The following ROBO2 variants were observed in gnomAD, a reference collection of about 807,000 sequenced individuals.
The protein encoded by ROBO2 is roundabout guidance receptor 2.
Under a neutral mutation model 160.8 loss-of-function variants are expected in ROBO2, and 53 were observed. That is an observed-to-expected ratio of 0.33 (90% confidence interval 0.26 to 0.41). The LOEUF (loss-of-function observed/expected upper bound fraction) is 0.41, where lower values mean the gene tolerates loss of function less well. Ranked by LOEUF, ROBO2 falls within the 10% of genes least tolerant of loss-of-function variation. The probability of loss-of-function intolerance (pLI) is 1.00; values close to 1 mark genes in which losing one functional copy is unlikely to be tolerated. For missense variants in ROBO2, 1,577 were observed against 1,722.4 expected, an observed-to-expected ratio of 0.92 and a Z score of 1.49; for synonymous variants, 664 against 611.7, an observed-to-expected ratio of 1.09 and a Z score of -1.26.
chr3:77,363,898 G>A (rs1260461150), intron 2 of ROBO2, among the ~76,000 whole-genome samples: 2 of 152,108 alleles, frequency 1.3e-5, no homozygotes, highest in East Asian at 1.9e-4. Flanking sequence ...GGGAGCAGAA[G>A]ACAGGGGGCT....
In ROBO2 at chr3:76,120,282, G is replaced by A. The variant is rs544828677; in HGVS notation, c.109+182680G>A. Among the ~76,000 whole-genome samples the A allele has an allele frequency of 7.9e-5, 12 of 152,162 alleles. No individual in the cohort carries two copies. The East Asian group carries it at 9.7e-4, about 12-fold the overall frequency. ...CTTCCAAAGTGCTGGGATTACAGGC[G>A]TGAGCCACCACGCCTGGAGGCTTTT... On this transcript the variant is annotated intron_variant, in intron 2 of 26. Transcript: ENST00000487694.
At chr3:77,467,592 T>TATCG (rs2082896423) in intron 2 of ROBO2, among the ~76,000 whole-genome samples, 1 of 77,200 alleles carries the variant, frequency 1.3e-5, no homozygotes, top group African/African-American at 7.7e-5. Context: ...TGTCTGTATC[T>TATCG]ATCTATCTAT....
intron 2 of ROBO2, among the ~76,000 whole-genome samples, chr3:77,473,677 C>T (rs1255453448): frequency 1.3e-5 from 2 of 151,808 alleles, no homozygotes; most frequent in South Asian, 2.1e-4. Flanking sequence ...AGAATGGTCT[C>T]GGTCTCCTGA....
At chr3:76,425,565 A>G (rs9864608) in intron 2 of ROBO2, among the ~76,000 whole-genome samples, 9,057 of 151,476 alleles carry the variant, frequency 0.06, 587 homozygotes, top group East Asian at 0.29. Flanking sequence ...ACCATGGTAT[A>G]CCCAATGCCT....
chr3:76,714,416 A>T (rs1324799668), intron 2 of ROBO2, among the ~76,000 whole-genome samples: 1 of 152,174 alleles, frequency 6.6e-6, no homozygotes, highest in Non-Finnish European at 1.5e-5. Context: ...CTCATTGAAC[A>T]ACAAGGAAAC....
At chr3:76,603,344 AAAAAAAAATATATATATATATATATAT>A (rs2087346245) in intron 2 of ROBO2, among the ~76,000 whole-genome samples, 1 of 64,684 alleles carries the variant, frequency 1.5e-5, no homozygotes, top group Admixed American at 1.8e-4. Context: ...AAAAAAAAAA[AAAAAAAAATATATATATATATATATAT>A]ATATATATAT....
intron 2 of ROBO2, among the ~76,000 whole-genome samples, chr3:76,399,127 G>C (rs959398819): frequency 7.9e-5 from 12 of 151,676 alleles, no homozygotes; most frequent in Non-Finnish European, 1.8e-4. Context: ...ATCATATACA[G>C]AGAGATGAAA....
chr3:76,922,639 G>T (rs1050073124), intron 2 of ROBO2, among the ~76,000 whole-genome samples: 2 of 152,130 alleles, frequency 1.3e-5, no homozygotes, highest in African/African-American at 2.4e-5. Flanking sequence ...CTATTTTATC[G>T]ACCCTGGGGT....
At chr3:77,140,138 A>T (rs532808408) in intron 2 of ROBO2, among the ~76,000 whole-genome samples, 3 of 152,210 alleles carry the variant, frequency 2.0e-5, no homozygotes, top group Non-Finnish European at 4.4e-5. Flanking sequence ...GAGCGTCCTG[A>T]TTGAATGCAA....
intron 2 of ROBO2, among the ~76,000 whole-genome samples, chr3:76,659,547 G>T (rs2091730606): frequency 6.6e-6 from 1 of 152,010 alleles, no homozygotes; most frequent in Admixed American, 6.6e-5. Flanking sequence ...CAGCTAATGG[G>T]CTGTGCCTTC....
intron 2 of ROBO2, among the ~76,000 whole-genome samples, chr3:77,470,940 G>T (rs1484468162): frequency 6.6e-6 from 1 of 152,120 alleles, no homozygotes; most frequent in African/African-American, 2.4e-5. Flanking sequence ...TGGGTCTCCT[G>T]CGGTTTTCAA....
intron 2 of ROBO2, among the ~76,000 whole-genome samples, chr3:77,235,837 T>C (rs1343281377): frequency 9.2e-5 from 14 of 152,202 alleles, no homozygotes; most frequent in Non-Finnish European, 1.3e-4. Context: ...CCATATCCTC[T>C]TCCCCCTAGA....
At chr3:76,650,810 A>G (rs2091221545) in intron 2 of ROBO2, among the ~76,000 whole-genome samples, 1 of 152,234 alleles carries the variant, frequency 6.6e-6, no homozygotes, top group Non-Finnish European at 1.5e-5. Flanking sequence ...AGGAAATAGC[A>G]TAGCAGGAGT....
intron 2 of ROBO2, among the ~76,000 whole-genome samples, chr3:76,613,429 A>G (rs2088304158): frequency 6.6e-6 from 1 of 152,238 alleles, no homozygotes; most frequent in Non-Finnish European, 1.5e-5. Flanking sequence ...TCTCATAAGG[A>G]AGCCTATTCT....
At chr3:77,633,266 G>T (rs1008075003) in intron 23 of ROBO2, 4 of 152,152 alleles carry the variant, frequency 2.6e-5, no homozygotes, top group African/African-American at 7.2e-5. Flanking sequence ...ATGACTACAT[G>T]TGTATTTCTC....
At chr3:76,662,935 T>C (rs1425796083) in intron 2 of ROBO2, among the ~76,000 whole-genome samples, 1 of 152,074 alleles carries the variant, frequency 6.6e-6, no homozygotes, top group Non-Finnish European at 1.5e-5. Flanking sequence ...AACAGGGAAA[T>C]GCAGAAAAAT....
chr3:76,841,730 A>T (rs1166951), intron 2 of ROBO2, among the ~76,000 whole-genome samples: 1 of 152,278 alleles, frequency 6.6e-6, no homozygotes, highest in African/African-American at 2.4e-5. Context: ...AGGAAGATTT[A>T]TTAGCCGCTT....
At chr3:76,931,414 A>T (rs1438027557) in intron 2 of ROBO2, among the ~76,000 whole-genome samples, 2 of 152,184 alleles carry the variant, frequency 1.3e-5, no homozygotes, top group Admixed American at 1.3e-4. Context: ...CATTTTCTGT[A>T]GGTCAAGCAT....
chr3:76,781,401 C>G (rs2062635772), intron 2 of ROBO2, among the ~76,000 whole-genome samples: 1 of 150,680 alleles, frequency 6.6e-6, no homozygotes, highest in African/African-American at 2.4e-5. Context: ...GTCTTTATTG[C>G]CTTCCATTGA....
Sources: allele counts gnomAD v4.1 joint callset (sites outside exome capture counted in the v4.1 genomes callset), GRCh38; gene constraint gnomAD v4.1.1; transcripts MANE v1.5; gene names NCBI Gene and HGNC (gene_info 2026-07-23, HGNC 2026-07-21).